CTTNBP2: variants seen among roughly 807,000 people sequenced by gnomAD.
The protein encoded by CTTNBP2 is cortactin-binding protein 2.
A neutral mutation model predicts 156.9 loss-of-function variants in CTTNBP2; 108 were observed. That is an observed-to-expected ratio of 0.69 (90% CI 0.59 to 0.81). CTTNBP2 has a LOEUF of 0.81. Ranked by LOEUF, CTTNBP2 falls within the 30% of genes least tolerant of loss-of-function variation. CTTNBP2 has a pLI of 0.00. For missense variants in CTTNBP2, 1,924 were observed against 2,035.4 expected, an observed-to-expected ratio of 0.95 and a Z score of 1.05; for synonymous variants, 767 against 751.8, an observed-to-expected ratio of 1.02 and a Z score of -0.33.
At chr7:117,754,915 G>GT (rs1796804190) in intron 12 of CTTNBP2, among the ~76,000 whole-genome samples, 1 of 152,182 alleles carries the variant, frequency 6.6e-6, no homozygotes, top group African/African-American at 2.4e-5. Context: ...CTAATTTGCA[G>GT]TTTTATCATC....
At chr7:117,771,894 A>C (rs1797815734) in intron 8 of CTTNBP2, among the ~76,000 whole-genome samples, 1 of 152,224 alleles carries the variant, frequency 6.6e-6, no homozygotes, top group Admixed American at 6.5e-5. Flanking sequence ...TTTTCCAGGC[A>C]GAGAGGGGTC....
Position 117,757,978 on chromosome 7 carries a change from CA to C in CTTNBP2, c.3173-9del. 6.2e-7 allele frequency: 1 copy of C among 1,606,108 alleles called. No individual in the cohort carries two copies. Among genetic ancestry groups the C allele is most frequent in the Non-Finnish European group, 8.5e-7 (1 of 1,175,678 alleles). On this transcript the variant is annotated splice_polypyrimidine_tract_variant and intron_variant, in intron 10 of 22. Transcript: ENST00000160373. ...CTGACCACGGCACATTTCCTAGTTTCAAAAAATGAAATAAAATGTCAAGGGA... is the reference window on the plus strand; with the variant it reads ...CTGACCACGGCACATTTCCTAGTTTCAAAAATGAAATAAAATGTCAAGGGA...
At chr7:117,749,701 C>CT (rs372576044) in intron 12 of CTTNBP2, among the ~76,000 whole-genome samples, 1 of 151,800 alleles carries the variant, frequency 6.6e-6, no homozygotes, top group East Asian at 1.9e-4. Flanking sequence ...TGGTATAAAT[C>CT]TTTTTTTATT....
At chr7:117,790,145 T>C (rs1370092788) in intron 4 of CTTNBP2, among the ~76,000 whole-genome samples, 4 of 152,180 alleles carry the variant, frequency 2.6e-5, no homozygotes, top group African/African-American at 9.6e-5. Context: ...GATCCCATGG[T>C]AGGAGAGACT....
At chr7:117,725,281 T>C in intron 17 of CTTNBP2, 24 bp from the exon 18 acceptor site, 1 of 1,601,096 alleles carries the variant, frequency 6.2e-7, no homozygotes, top group Non-Finnish European at 8.6e-7. Flanking sequence ...GACCGATTCA[T>C]CCCTTAGGAG....
At chr7:117,759,001 A>G (rs1170619488) in intron 10 of CTTNBP2, among the ~76,000 whole-genome samples, 1 of 152,200 alleles carries the variant, frequency 6.6e-6, no homozygotes, top group East Asian at 1.9e-4. Flanking sequence ...GACTTTGTTT[A>G]TCAGACCCTG....
intron 2 of CTTNBP2, among the ~76,000 whole-genome samples, chr7:117,839,195 T>C (rs1802133266): frequency 6.6e-6 from 1 of 152,184 alleles, no homozygotes; most frequent in Admixed American, 6.5e-5. Flanking sequence ...TCTCCTCACC[T>C]GTCTGGCAGA....
chr7:117,721,279 G>C, intron 19 of CTTNBP2, 149 bp from the exon 20 acceptor site: 1 of 618,066 alleles, frequency 1.6e-6, no homozygotes. Flanking sequence ...CCCCAGGACA[G>C]AGGCTCTGGG....
Position 117,873,315 on chromosome 7 carries a change from C to G in CTTNBP2, c.81+20G>C, listed in dbSNP as rs1291970499. 1 of 1,429,884 alleles carries G rather than the reference C, an allele frequency of 7.0e-7. No individual in the cohort carries two copies. The highest frequency in any genetic ancestry group is 9.1e-7 in the Non-Finnish European group (1 of 1,094,986). The allele number at this position is 1,429,884 out of a possible 1,614,324, so 88.6% of individuals were successfully genotyped here. On this transcript the variant is annotated intron_variant, in intron 1 of 22. Transcript: ENST00000160373. The stretch of plus-strand genomic sequence containing the variant: ...CCCGCGTCTACACTAGCCCCGCGCC[C>G]GCCCCGGGAACTCGGTTACCGCCGC...
chr7:117,719,918 C>CAGAT (rs1323480549), intron 20 of CTTNBP2, among the ~76,000 whole-genome samples: 2 of 152,086 alleles, frequency 1.3e-5, no homozygotes, highest in Non-Finnish European at 2.9e-5. Flanking sequence ...TCTCCCAGGC[C>CAGAT]AGATAGGATG....
At chr7:117,847,739 T>A (rs1164505814) in intron 2 of CTTNBP2, among the ~76,000 whole-genome samples, 8 of 150,696 alleles carry the variant, frequency 5.3e-5, no homozygotes, top group African/African-American at 1.9e-4. Context: ...ACATCAACCC[T>A]CATTTTATTG....
At chr7:117,776,646 T>C (rs1322587302) in intron 8 of CTTNBP2, among the ~76,000 whole-genome samples, 1 of 152,190 alleles carries the variant, frequency 6.6e-6, no homozygotes, top group Non-Finnish European at 1.5e-5. Context: ...CTCAAAATAA[T>C]TTCCACCTCC....
chr7:117,796,644 G>A (rs917838609), intron 3 of CTTNBP2, among the ~76,000 whole-genome samples: 4 of 152,022 alleles, frequency 2.6e-5, no homozygotes, highest in Admixed American at 1.3e-4. Context: ...CATAGTGCCC[G>A]GCACTAAAAA....
chr7:117,754,813 T>A (rs774896528), intron 12 of CTTNBP2, among the ~76,000 whole-genome samples: 2 of 152,252 alleles, frequency 1.3e-5, no homozygotes, highest in African/African-American at 4.8e-5. Flanking sequence ...TTATGTCTTA[T>A]GTATAAGCAG....
rs975434304 is a variant in CTTNBP2, at chr7:117,872,010, T to G, written c.81+1325A>C. The G allele has an allele frequency of 5.2e-6, 5 of 968,934 alleles. No individual in the cohort carries two copies. In the African/African-American group the frequency reaches 8.8e-5, roughly 17 times the overall value. The allele number at this position is 968,934 out of a possible 1,614,324, so 60.0% of individuals were successfully genotyped here. A position where few individuals can be genotyped will look rare whatever the true frequency, so the allele number is the denominator to read the frequency against. On this transcript the variant is annotated intron_variant, in intron 1 of 22. Transcript: ENST00000160373. Reference sequence around the variant, plus strand: ...CCCCACAGAGGGGAGCTGATTCACATAAGTGGGCAGGTTTCGTTTGAAATC... The same window carrying G: ...CCCCACAGAGGGGAGCTGATTCACAGAAGTGGGCAGGTTTCGTTTGAAATC...
At chr7:117,873,048 G>T (rs1220699386) in intron 1 of CTTNBP2, among the ~76,000 whole-genome samples, 1 of 152,188 alleles carries the variant, frequency 6.6e-6, no homozygotes, top group Admixed American at 6.5e-5. Flanking sequence ...CATAGGGGTC[G>T]CACTGGACGC....
chr7:117,745,721 TAA>T, intron 14 of CTTNBP2, 108 bp downstream of exon 14: 2 of 714,598 alleles, frequency 2.8e-6, no homozygotes, highest in South Asian at 1.8e-5. Context: ...GCTGAATAAT[TAA>T]AGTTATCTTA....
intron 19 of CTTNBP2, among the ~76,000 whole-genome samples, chr7:117,722,242 AG>A (rs965224658): frequency 2.0e-5 from 3 of 147,582 alleles, no homozygotes; most frequent in Admixed American, 1.3e-4. Flanking sequence ...TGCATGCAAA[AG>A]GATTCCTGTG....
intron 20 of CTTNBP2, 123 bp from the exon 21 acceptor site, chr7:117,719,759 A>G (rs1017561244): frequency 3.0e-6 from 2 of 669,892 alleles, no homozygotes; most frequent in African/African-American, 3.7e-5. Context: ...TAGCCTTTAA[A>G]GTATTTCATA....
Sources: gnomAD v4.1 joint callset for allele counts (sites outside exome capture counted in the v4.1 genomes callset) on GRCh38, gnomAD v4.1.1 for gene constraint, MANE v1.5 for transcripts, NCBI Gene and HGNC (gene_info 2026-07-23, HGNC 2026-07-21) for gene names.